The following CAPS2 variants were observed in gnomAD, a reference collection of about 807,000 sequenced individuals.
CAPS2 encodes calcyphosine 2, also known as calcyphosin-2.
Under a neutral mutation model 86.5 loss-of-function variants are expected in CAPS2, and 98 were observed. The observed-to-expected ratio is 1.13, with a 90% CI of 0.96 to 1.34. The LOEUF (loss-of-function observed/expected upper bound fraction) is 1.34, where lower values mean the gene tolerates loss of function less well. Ranked by LOEUF, CAPS2 falls within the 40% of genes most tolerant of loss-of-function variation. The pLI is 0.00. For synonymous variants in CAPS2, 210 were observed against 225.1 expected (o/e 0.93, Z 0.60); for missense variants, 729 against 686.8 (o/e 1.06, Z -0.69).
chr12:75,304,794 G>T, exon 8 of CAPS2: 1 of 1,605,836 alleles, frequency 6.2e-7, no homozygotes, highest in Non-Finnish European at 8.5e-7. Context: ...AATCGAAGAG[G>T]TGTCATCTTT....
At chr12:75,388,275 T>C (rs552845643) in intron 1 of CAPS2, among the ~76,000 whole-genome samples, 1 of 152,234 alleles carries the variant, frequency 6.6e-6, no homozygotes, top group African/African-American at 2.4e-5. Flanking sequence ...CTCCCAGCCA[T>C]GTGGAACTGT....
At chr12:75,338,425 G>A (rs1253996199) in intron 1 of CAPS2, among the ~76,000 whole-genome samples, 1 of 152,046 alleles carries the variant, frequency 6.6e-6, no homozygotes. Context: ...ACTCTTCATA[G>A]ATTCAATGAG....
intron 7 of CAPS2, chr12:75,305,539 G>A: frequency 3.2e-6 from 2 of 622,224 alleles, no homozygotes; most frequent in Admixed American, 2.0e-5. Flanking sequence ...TCCGGTAGGC[G>A]TTCCTCCGTC....
At chr12:75,289,835 C>T (rs2035538675) in intron 13 of CAPS2, 60 bp from the exon 14 acceptor site, 2 of 1,197,252 alleles carry the variant, frequency 1.7e-6, no homozygotes, top group East Asian at 4.9e-5. Context: ...TATAAAGCCG[C>T]AGTTATCTTT....
At chr12:75,277,184 C>T (rs540410517), downstream of CAPS2, 1 of 971,708 alleles carries the variant, frequency 1.0e-6, no homozygotes, top group African/African-American at 1.8e-5. Flanking sequence ...GTCATGTTAA[C>T]ACGTTACATT....
upstream of CAPS2, among the ~76,000 whole-genome samples, chr12:75,328,398 G>A (rs1003164497): frequency 4.6e-5 from 7 of 152,040 alleles, no homozygotes; most frequent in East Asian, 7.7e-4. Flanking sequence ...TTTAAAAAGC[G>A]GCAACATGTA....
At chr12:75,323,055 T>C in exon 4 of CAPS2, 2 of 1,550,436 alleles carry the variant, frequency 1.3e-6, no homozygotes, top group Non-Finnish European at 1.7e-6. Context: ...TTGGCAGGTT[T>C]GCTGTACTAA....
chr12:75,276,672 A>G (rs1162003932), downstream of CAPS2: 6 of 820,624 alleles, frequency 7.3e-6, no homozygotes, highest in Non-Finnish European at 8.8e-6. Context: ...AAAATTCTCA[A>G]CTTTTATTTT....
intron 1 of CAPS2, among the ~76,000 whole-genome samples, chr12:75,354,824 C>T (rs1012173183): frequency 5.9e-5 from 9 of 152,066 alleles, no homozygotes; most frequent in East Asian, 1.9e-4. Context: ...GAAATAAGAC[C>T]GCACATCTAT....
chr12:75,307,037 A>T (rs1223854868), intron 7 of CAPS2, among the ~76,000 whole-genome samples: 1 of 152,124 alleles, frequency 6.6e-6, no homozygotes, highest in Non-Finnish European at 1.5e-5. Flanking sequence ...CAGCACAGTG[A>T]GGACACACCT....
At chr12:75,302,239 G>A (rs2037908519) in intron 8 of CAPS2, among the ~76,000 whole-genome samples, 2 of 152,090 alleles carry the variant, frequency 1.3e-5, no homozygotes, top group South Asian at 4.1e-4. Context: ...ACCCCCACAG[G>A]ATTTTTCATG....
chr12:75,299,170 A>T (rs1476068016), intron 9 of CAPS2, among the ~76,000 whole-genome samples: 1 of 152,208 alleles, frequency 6.6e-6, no homozygotes, highest in Admixed American at 6.5e-5. Context: ...GCAGAAAAAA[A>T]TAATCTTACA....
intron 1 of CAPS2, chr12:75,361,071 AAG>A (rs2043552568): frequency 6.6e-6 from 1 of 152,118 alleles, no homozygotes; most frequent in South Asian, 2.1e-4. Context: ...ACTCTCAACA[AAG>A]AGAAATGTGG....
At chr12:75,298,664 G>A (rs1349787024) in intron 11 of CAPS2, 23 bp downstream of exon 11, 38 of 1,578,454 alleles carry the variant, frequency 2.4e-5, no homozygotes, top group Non-Finnish European at 3.2e-5. Context: ...TATTAAATGT[G>A]TGCACACACA....
chr12:75,346,656 G>A (rs535712769), intron 1 of CAPS2, among the ~76,000 whole-genome samples: 10 of 152,120 alleles, frequency 6.6e-5, no homozygotes, highest in African/African-American at 2.2e-4. Context: ...CCCAAATCTC[G>A]TTTTTAAGTT....
intron 15 of CAPS2, among the ~76,000 whole-genome samples, chr12:75,282,685 C>A (rs2034194505): frequency 6.6e-6 from 1 of 152,146 alleles, no homozygotes; most frequent in African/African-American, 2.4e-5. Context: ...CCACGTCCGG[C>A]CTGGCAAATG....
intron 1 of CAPS2, among the ~76,000 whole-genome samples, chr12:75,337,711 G>A (rs996097914): frequency 1.3e-5 from 2 of 151,910 alleles, no homozygotes; most frequent in Admixed American, 6.6e-5. Context: ...ATCACATAAA[G>A]TCTCATAAAT....
intron 14 of CAPS2, among the ~76,000 whole-genome samples, chr12:75,289,411 A>C (rs1410557347): frequency 2.6e-5 from 4 of 152,216 alleles, no homozygotes; most frequent in Admixed American, 6.5e-5. Context: ...AGCTTAGCAC[A>C]ATGCCTGGTT....
At chr12:75,344,573 A>G (rs1279048162) in intron 1 of CAPS2, among the ~76,000 whole-genome samples, 1 of 152,084 alleles carries the variant, frequency 6.6e-6, no homozygotes, top group East Asian at 1.9e-4. Flanking sequence ...TTTCCCTGCT[A>G]GCTCTAGTAT....
Sources: gnomAD v4.1 joint callset for allele counts (sites outside exome capture counted in the v4.1 genomes callset) on GRCh38, gnomAD v4.1.1 for gene constraint, MANE v1.5 for transcripts, NCBI Gene and HGNC (gene_info 2026-07-23, HGNC 2026-07-21) for gene names.